Variants in NR1H4 observed in about 807,000 individuals in gnomAD.
The protein encoded by NR1H4 is nuclear receptor subfamily 1 group H member 4, also known as bile acid receptor.
A neutral mutation model predicts 58.5 loss-of-function variants in NR1H4; 23 were observed. The observed-to-expected ratio is 0.39, with a 90% CI of 0.28 to 0.56. The LOEUF (loss-of-function observed/expected upper bound fraction) is 0.56, where lower values mean the gene tolerates loss of function less well. Among genes scored for constraint, NR1H4 ranks in the 20% least tolerant of loss-of-function variants. The pLI, the probability that NR1H4 is intolerant of heterozygous loss-of-function variation, is 0.58. For synonymous variants in NR1H4, 214 were observed against 198.0 expected, an observed-to-expected ratio of 1.08 and a Z score of -0.68; for missense variants, 487 against 576.9, an observed-to-expected ratio of 0.84 and a Z score of 1.60.
chr12:100,519,906 A>C (rs956370743), intron 4 of NR1H4, among the ~76,000 whole-genome samples: 1 of 152,150 alleles, frequency 6.6e-6, no homozygotes, highest in Non-Finnish European at 1.5e-5. Flanking sequence ...TTGGGGGCTT[A>C]AGCTCTGGCG....
chr12:100,479,408 T>C (rs552892957), intron 1 of NR1H4, among the ~76,000 whole-genome samples: 20 of 152,330 alleles, frequency 1.3e-4, no homozygotes, highest in Admixed American at 7.2e-4. Context: ...CCTCAAAGCA[T>C]AGGCAATTTT....
intron 4 of NR1H4, among the ~76,000 whole-genome samples, chr12:100,522,687 G>A (rs1593090439): frequency 6.6e-6 from 1 of 151,968 alleles, no homozygotes; most frequent in East Asian, 1.9e-4. Flanking sequence ...CCAATATGTA[G>A]TTTTTTATCC....
chr12:100,534,973 A>G lies in NR1H4; in HGVS notation c.682A>G (p.Ser228Gly), dbSNP rs889471340. 6.2e-7 allele frequency: 1 copy of G among 1,614,230 alleles called. No individual in the cohort carries two copies. The highest frequency in any genetic ancestry group is 8.5e-7 in the Non-Finnish European group (1 of 1,180,024). Residue 228 changes from serine (S) to glycine (G), a missense_variant, in exon 6 of 11, where the codon AGT becomes GGT. Ser to Gly is a moderately conservative substitution (Grantham distance 56, BLOSUM62 0). Transcript: ENST00000392986. ...TGCAGATCAGACCGTGAATGAAGAC[A>G]GTGAAGGTCGTGACTTGCGACAAGT... ...QHADQTVNED[S>G]EGRDLRQVTS...
chr12:100,555,610 G>A (rs1366098662), intron 9 of NR1H4, among the ~76,000 whole-genome samples: 1 of 152,120 alleles, frequency 6.6e-6, no homozygotes, highest in Non-Finnish European at 1.5e-5. Flanking sequence ...TATCTACTCT[G>A]ACATTTATTG....
intron 8 of NR1H4, 61 bp from the exon 9 acceptor site, chr12:100,540,611 T>G: frequency 6.5e-7 from 1 of 1,549,386 alleles, no homozygotes; most frequent in South Asian, 1.1e-5. Context: ...TCAATGGCAA[T>G]GATGGTGATC....
At chr12:100,485,259 A>C (rs1953466867) in intron 1 of NR1H4, among the ~76,000 whole-genome samples, 1 of 152,176 alleles carries the variant, frequency 6.6e-6, no homozygotes, top group South Asian at 2.1e-4. Flanking sequence ...ACTGTATTGC[A>C]ACCACAGTAC....
At chr12:100,517,659 T>C (rs776523217) in intron 4 of NR1H4, among the ~76,000 whole-genome samples, 3 of 152,206 alleles carry the variant, frequency 2.0e-5, no homozygotes, top group Non-Finnish European at 4.4e-5. Flanking sequence ...GCAGTAAGGG[T>C]TGACTTTTCT....
intron 3 of NR1H4, among the ~76,000 whole-genome samples, chr12:100,499,337 A>G (rs1207228015): frequency 6.6e-6 from 1 of 152,232 alleles, no homozygotes; most frequent in Non-Finnish European, 1.5e-5. Flanking sequence ...CTCAGATAAA[A>G]TGAAGCTTTG....
intron 5 of NR1H4, among the ~76,000 whole-genome samples, chr12:100,533,642 C>T (rs1027490308): frequency 3.3e-5 from 5 of 152,202 alleles, no homozygotes; most frequent in African/African-American, 9.7e-5. Flanking sequence ...TCATATAGCT[C>T]ATCACTTAAA....
At chr12:100,515,594 T>C (rs1954244857) in intron 4 of NR1H4, among the ~76,000 whole-genome samples, 1 of 152,304 alleles carries the variant, frequency 6.6e-6, no homozygotes, top group East Asian at 1.9e-4. Context: ...AATGCTATTA[T>C]TAGTTTTTTA....
At chr12:100,510,740 A>ATGACAT (rs1566444546) in intron 3 of NR1H4, 38 bp from the exon 4 acceptor site, 2 of 1,612,974 alleles carry the variant, frequency 1.2e-6, no homozygotes, top group Admixed American at 3.3e-5. Context: ...TTCCAGAATG[A>ATGACAT]TGACATTCAT....
In NR1H4 at chr12:100,521,069, C is replaced by A. The variant is rs77891884; in HGVS notation, c.445+9926C>A. Among the ~76,000 whole-genome samples, 271 of 151,704 alleles carry A rather than the reference C, an allele frequency of 1.8e-3. 5 individuals carry two copies. The highest frequency in any genetic ancestry group is 0.016 in the East Asian group (80 of 5,158). On this transcript the variant is annotated intron_variant, in intron 4 of 10. Coordinates refer to ENST00000392986, the MANE Select transcript of NR1H4 (RefSeq NM_001206979.2). ...CCAGCTCTCTTGCTTTAGTATTTCACTGAAGATTTGTCAGTCCTGTGATAC... is the reference window on the plus strand; with the variant it reads ...CCAGCTCTCTTGCTTTAGTATTTCAATGAAGATTTGTCAGTCCTGTGATAC...
chr12:100,521,800 T>C (rs1009653871), intron 4 of NR1H4, among the ~76,000 whole-genome samples: 1 of 152,218 alleles, frequency 6.6e-6, no homozygotes, highest in African/African-American at 2.4e-5. Context: ...TATAAACTTA[T>C]TGACATCCTA....
chr12:100,560,381 G>A (rs964366646), intron 9 of NR1H4, among the ~76,000 whole-genome samples: 2 of 148,120 alleles, frequency 1.4e-5, no homozygotes, highest in African/African-American at 2.4e-5. Context: ...TTGGGTCCAC[G>A]CTGCTTTTAT....
At chr12:100,477,136 TC>T (rs1293032782) in intron 1 of NR1H4, among the ~76,000 whole-genome samples, 1 of 152,172 alleles carries the variant, frequency 6.6e-6, no homozygotes, top group East Asian at 1.9e-4. Flanking sequence ...TGAATTATTT[TC>T]TCCCTCAGTT....
intron 1 of NR1H4, among the ~76,000 whole-genome samples, chr12:100,475,124 C>CCTATCTTTCTATCTAT (rs1953238820): frequency 7.0e-6 from 1 of 143,086 alleles, no homozygotes; most frequent in African/African-American, 2.7e-5. Flanking sequence ...AAGTGGTTTA[C>CCTATCTTTCTATCTAT]CTATCTATCT....
chr12:100,478,727 A>G (rs1036750907), intron 1 of NR1H4, among the ~76,000 whole-genome samples: 3 of 152,178 alleles, frequency 2.0e-5, no homozygotes, highest in African/African-American at 7.2e-5. Flanking sequence ...ATTAGAGGCA[A>G]TGCTACAATG....
At chr12:100,493,028 G>A (rs936545965) in intron 2 of NR1H4, among the ~76,000 whole-genome samples, 1 of 151,766 alleles carries the variant, frequency 6.6e-6, no homozygotes, top group African/African-American at 2.4e-5. Flanking sequence ...GAAAACATAC[G>A]GTGTTTTTTT....
At chr12:100,505,017 G>T (rs192485696) in intron 3 of NR1H4, among the ~76,000 whole-genome samples, 17 of 152,210 alleles carry the variant, frequency 1.1e-4, no homozygotes, top group African/African-American at 3.6e-4. Context: ...CATCACAAAG[G>T]CCTGATGCCA....
Sources: gnomAD v4.1 joint callset for allele counts (sites outside exome capture counted in the v4.1 genomes callset) on GRCh38, gnomAD v4.1.1 for gene constraint, MANE v1.5 for transcripts, NCBI Gene and HGNC (gene_info 2026-07-23, HGNC 2026-07-21) for gene names.